The following SYT9 variants were observed in gnomAD, a reference collection of about 807,000 sequenced individuals.
SYT9 encodes synaptotagmin 9, also known as synaptotagmin-9.
In SYT9, 22 loss-of-function variants were observed where a neutral mutation model predicts 48.4. That is an observed-to-expected ratio of 0.45 (90% CI 0.32 to 0.65). The LOEUF is 0.65. SYT9 is among the 30% of genes least tolerant of loss of function. The pLI is 0.03. For missense variants in SYT9, 577 were observed against 622.0 expected, an observed-to-expected ratio of 0.93 and a Z score of 0.77; for synonymous variants, 265 against 245.0, an observed-to-expected ratio of 1.08 and a Z score of -0.76.
chr11:7,380,933 G>A (rs1850549678), intron 3 of SYT9, among the ~76,000 whole-genome samples: 1 of 152,000 alleles, frequency 6.6e-6, no homozygotes. Context: ...TTACCTATCT[G>A]TCAGAATCTT....
At chr11:7,388,314 A>T (rs768765578) in intron 3 of SYT9, among the ~76,000 whole-genome samples, 1 of 152,130 alleles carries the variant, frequency 6.6e-6, no homozygotes, top group Non-Finnish European at 1.5e-5. Flanking sequence ...TTATCTTTCA[A>T]TGCCTTTAGG....
intron 5 of SYT9, 143 bp downstream of exon 5, chr11:7,418,271 T>C: frequency 1.2e-6 from 1 of 850,488 alleles, no homozygotes; most frequent in Non-Finnish European, 1.8e-6. Flanking sequence ...GGAAGCACAT[T>C]GACAGGAGTC....
chr11:7,365,922 T>C (rs1336467511), intron 3 of SYT9, among the ~76,000 whole-genome samples: 3 of 152,250 alleles, frequency 2.0e-5, no homozygotes, highest in Non-Finnish European at 4.4e-5. Context: ...CTTGGGCCTC[T>C]AATTTGGGAC....
At chr11:7,381,738 CTT>C (rs1271167920) in intron 3 of SYT9, among the ~76,000 whole-genome samples, 1 of 152,184 alleles carries the variant, frequency 6.6e-6, no homozygotes, top group Non-Finnish European at 1.5e-5. Flanking sequence ...AGAGCTGTCT[CTT>C]TTTTTACAGG....
intron 1 of SYT9, among the ~76,000 whole-genome samples, chr11:7,298,139 A>G (rs541796168): frequency 3.4e-4 from 51 of 152,066 alleles, no homozygotes; most frequent in Non-Finnish European, 6.9e-4. Context: ...AAATTTAAAT[A>G]TTAGACCTCC....
intron 1 of SYT9, among the ~76,000 whole-genome samples, chr11:7,300,748 C>T (rs1036047036): frequency 6.6e-6 from 1 of 152,160 alleles, no homozygotes; most frequent in Non-Finnish European, 1.5e-5. Context: ...AGCCTGATTA[C>T]CTGGGACAGG....
chr11:7,406,853 A>G (rs574174632), intron 3 of SYT9, among the ~76,000 whole-genome samples: 1 of 151,198 alleles, frequency 6.6e-6, no homozygotes, highest in East Asian at 1.9e-4. Flanking sequence ...TGTTGCTAGC[A>G]TGTTATTTTT....
chr11:7,370,555 AT>A (rs1850343412), intron 3 of SYT9, among the ~76,000 whole-genome samples: 1 of 152,152 alleles, frequency 6.6e-6, no homozygotes. Flanking sequence ...AATTTATGAT[AT>A]TTTACACCTA....
intron 2 of SYT9, among the ~76,000 whole-genome samples, chr11:7,304,069 T>C (rs1016655554): frequency 1.3e-5 from 2 of 152,234 alleles, no homozygotes; most frequent in Non-Finnish European, 2.9e-5. Context: ...ATGAATTGGC[T>C]TTACTTACAT....
At position 7,313,490 on chromosome 11, in the gene SYT9, T is replaced by C; in HGVS notation, c.593T>C (p.Ile198Thr). The C allele has an allele frequency of 6.2e-7, 1 of 1,614,166 alleles. No homozygotes were observed. Among genetic ancestry groups the C allele is most frequent in the Non-Finnish European group, 8.5e-7 (1 of 1,180,006 alleles). The stretch of plus-strand genomic sequence containing the variant: ...GAACAGTTGACTGGAATTGGTAGAA[T>C]TAAACCAGAGTTATATAAGCAGAGG... ...KQEQLTGIGR[I>T]KPELYKQRSL... The change falls in exon 3 of 7, where the codon ATT becomes ACT. Residue 198 changes from isoleucine to threonine, a missense_variant. Coordinates refer to ENST00000318881, the MANE Select transcript of SYT9 (RefSeq NM_175733.4).
chr11:7,370,004 G>A lies in SYT9; in HGVS notation c.1045-46038G>A, dbSNP rs115837420. 1.8e-3 allele frequency among the ~76,000 whole-genome samples: 277 copies of A among 152,078 alleles called. 1 individual carries two copies. Among genetic ancestry groups the A allele is most frequent in the African/African-American group, 6.4e-3 (267 of 41,492 alleles). On this transcript the variant is annotated intron_variant, in intron 3 of 6. Transcript: ENST00000318881. ...AGATTTTGGTGCACTCATCACACAT[G>A]CAGTATACACGGCACCATATTTTTA... is the stretch of plus-strand genomic sequence containing the variant.
Position 7,423,907 on chromosome 11 carries a change from TAA to T in SYT9, c.1467+3275_1467+3276del, listed in dbSNP as rs1199149554. 3.3e-5 allele frequency among the ~76,000 whole-genome samples: 5 copies of T among 152,340 alleles called. No individual in the cohort carries two copies. In the East Asian group the frequency reaches 9.7e-4, roughly 29 times the overall value. Reference sequence around the variant, plus strand: ...CTAAGAACCTTTTAAATGTCTTCTTTAAAACAAAAACCAGCAATTAAATCTCA... The same window carrying T: ...CTAAGAACCTTTTAAATGTCTTCTTTAACAAAAACCAGCAATTAAATCTCA... On this transcript the variant is annotated intron_variant, in intron 6 of 6. Transcript: ENST00000318881.
At chr11:7,335,006 G>A (rs1849610240) in intron 3 of SYT9, among the ~76,000 whole-genome samples, 1 of 152,106 alleles carries the variant, frequency 6.6e-6, no homozygotes. Flanking sequence ...ATAGACTGCT[G>A]GATTAGATGG....
chr11:7,421,378 C>G (rs1253015006), intron 6 of SYT9, among the ~76,000 whole-genome samples: 2 of 152,222 alleles, frequency 1.3e-5, no homozygotes, highest in Non-Finnish European at 2.9e-5. Context: ...CTTTTTGATT[C>G]TCTTTGAATT....
chr11:7,344,847 C>T (rs7951751), intron 3 of SYT9, among the ~76,000 whole-genome samples: 45,113 of 151,742 alleles, frequency 0.3, 7,184 homozygotes, highest in Non-Finnish European at 0.36. Context: ...AGTGCTGCAA[C>T]TTTACCCTAC....
At chr11:7,414,356 C>G (rs1390320609) in intron 3 of SYT9, among the ~76,000 whole-genome samples, 1 of 152,182 alleles carries the variant, frequency 6.6e-6, no homozygotes, top group Non-Finnish European at 1.5e-5. Flanking sequence ...AGTTGAAGAG[C>G]AAAGTGGGCC....
intron 3 of SYT9, among the ~76,000 whole-genome samples, chr11:7,361,091 T>A (rs1434308023): frequency 1.3e-5 from 2 of 152,146 alleles, no homozygotes; most frequent in East Asian, 3.8e-4. Context: ...TGATTCTTTT[T>A]ATCAAGGAAA....
rs1181304753 is a variant in SYT9, at chr11:7,403,579, AG to A, written c.1045-12462del. Among the ~76,000 whole-genome samples the A allele has an allele frequency of 2.9e-3, 439 of 151,936 alleles. 3 individuals are homozygous for A. Among genetic ancestry groups the A allele is most frequent in the African/African-American group, 0.01 (426 of 41,286 alleles). ...AATAAATAAACAGAGAGAGAGAGAGAGACACACACATGTATTAGTTTCCAAA... is the reference window on the plus strand; with the variant it reads ...AATAAATAAACAGAGAGAGAGAGAGAACACACACATGTATTAGTTTCCAAA... On this transcript the variant is annotated intron_variant, in intron 3 of 6. Coordinates refer to ENST00000318881, the MANE Select transcript of SYT9 (RefSeq NM_175733.4).
rs954110304 is a variant in SYT9, at chr11:7,314,223, G to C, written c.1044+282G>C. 5 of 548,206 alleles carry C rather than the reference G, an allele frequency of 9.1e-6. No individual in the cohort carries two copies. The East Asian group carries it at 2.2e-4, about 24-fold the overall frequency. 34.0% of individuals were successfully genotyped at this position (548,206 alleles called of 1,614,324 possible). On this transcript the variant is annotated intron_variant, in intron 3 of 6. Coordinates refer to ENST00000318881, the MANE Select transcript of SYT9 (RefSeq NM_175733.4). Reference sequence around the variant, plus strand: ...CCCTAAGAGACAGCAGGTGTTATCTGTCCTCCGTACCACATTTTCTTTAGA... The same window carrying C: ...CCCTAAGAGACAGCAGGTGTTATCTCTCCTCCGTACCACATTTTCTTTAGA...
Sources: allele counts gnomAD v4.1 joint callset (sites outside exome capture counted in the v4.1 genomes callset), GRCh38; gene constraint gnomAD v4.1.1; transcripts MANE v1.5; gene names NCBI Gene and HGNC (gene_info 2026-07-23, HGNC 2026-07-21).